Variants in RNH1 observed in about 807,000 individuals in gnomAD.
The protein encoded by RNH1 is ribonuclease inhibitor.
Under a neutral mutation model 46.1 loss-of-function variants are expected in RNH1, and 38 were observed. The ratio of observed to expected loss-of-function variants is 0.82; its 90% CI spans 0.64 to 1.08. The LOEUF (loss-of-function observed/expected upper bound fraction) is 1.08. Ranked by LOEUF, RNH1 falls within the 50% of genes least tolerant of loss-of-function variation. The pLI is 0.00. For synonymous variants in RNH1, 319 were observed against 279.1 expected (o/e 1.14, Z -1.43); for missense variants, 577 against 590.7 (o/e 0.98, Z 0.24).
chr11:495,026 G>T lies in RNH1; in HGVS notation c.1155C>A (p.Ser385Arg). 6.2e-7 allele frequency: 1 copy of T among 1,605,140 alleles called. No homozygotes were observed. The highest frequency in any genetic ancestry group is 8.5e-7 in the Non-Finnish European group (1 of 1,176,624). Reference sequence around the variant, plus strand: ...GGGTTGCGGCGAGGCTGCTGCAGCTGCTGTCACTCACATCGCAGTCGGCCA... The same window carrying T: ...GGGTTGCGGCGAGGCTGCTGCAGCTTCTGTCACTCACATCGCAGTCGGCCA... ...LWLADCDVSD[S>R]SCSSLAATLL... The change falls in exon 10 of 11, where the codon AGC becomes AGA. Residue 385 changes from serine (S) to arginine (R), a missense_variant. Coordinates refer to ENST00000354420, the MANE Select transcript of RNH1 (RefSeq NM_203387.3).
intron 6 of RNH1, 38 bp from the exon 7 acceptor site, chr11:498,971 C>A (rs759333998): frequency 3.1e-6 from 5 of 1,611,226 alleles, no homozygotes; most frequent in Admixed American, 1.7e-5. Context: ...GCACGGGACC[C>A]CCCCTAGCCC....
At chr11:495,215 G>A (rs1191504764) in intron 9 of RNH1, among the ~76,000 whole-genome samples, 162 bp from the exon 10 acceptor site, 1 of 152,260 alleles carries the variant, frequency 6.6e-6, no homozygotes, top group Non-Finnish European at 1.5e-5. Context: ...GTGGCCCTGG[G>A]CAGGTTCCCC....
At chr11:495,155 C>A (rs763273576) in intron 9 of RNH1, 102 bp from the exon 10 acceptor site, 2 of 1,242,944 alleles carry the variant, frequency 1.6e-6, no homozygotes, top group Admixed American at 2.3e-5. Context: ...CACCTGTGCT[C>A]GGCAACTCAG....
At position 498,666 on chromosome 11, in the gene RNH1, G is replaced by A. The variant is rs555731225; in HGVS notation, c.786-39C>T. 5.2e-5 allele frequency: 84 copies of A among 1,607,180 alleles called. No individual in the cohort carries two copies. The South Asian group carries it at 6.5e-4, about 12-fold the overall frequency. ...ACCACCACAGACTTTCCTCAGCACC[G>A]TCTCATGGCCTGAGATGAGCCCAGG... On this transcript the variant is annotated intron_variant, in intron 7 of 10. Transcript: ENST00000354420.
At chr11:503,312 C>T (rs748613924) in intron 2 of RNH1, 14 of 152,384 alleles carry the variant, frequency 9.2e-5, no homozygotes, top group Non-Finnish European at 1.8e-4. Context: ...GCCCTGACAC[C>T]CCCAGCTTCC....
rs547135332 is a variant in RNH1, at chr11:500,424, G to A, written c.272+60C>T. ...CGCGCCCCTGGCGGCTCTGTCCCCT[G>A]CTGCCGGGCTACCAAAGCAGACTGC... On this transcript the variant is annotated intron_variant, in intron 4 of 10. Coordinates refer to ENST00000354420, the MANE Select transcript of RNH1 (RefSeq NM_203387.3). The A allele has an allele frequency of 1.5e-5, 23 of 1,558,882 alleles. No individual in the cohort carries two copies. The East Asian group carries it at 2.3e-4, about 15-fold the overall frequency.
Position 494,621 on chromosome 11 carries a change from G to A in RNH1, c.*70C>T. The A allele has an allele frequency of 7.5e-7, 1 of 1,337,232 alleles. No homozygotes were observed. The allele number at this position is 1,337,232 out of a possible 1,614,324, so 82.8% of individuals were successfully genotyped here. ...CCTAGGATATGCAGGGTGAGAGCAT[G>A]GCAGGGGCTGGTGGGCCCCAGGGTT... On this transcript the variant is annotated 3_prime_UTR_variant, in exon 11 of 11. Transcript: ENST00000354420.
At chr11:503,489 GGGT>G (rs980555562) in intron 2 of RNH1, 2 of 152,348 alleles carry the variant, frequency 1.3e-5, no homozygotes, top group Non-Finnish European at 2.9e-5. Flanking sequence ...CAGTGGCAAA[GGGT>G]GGTGACATCC....
In RNH1 at chr11:494,554, T is replaced by C; in HGVS notation, c.*137A>G. On this transcript the variant is annotated 3_prime_UTR_variant, in exon 11 of 11. Transcript: ENST00000354420. ...TTTAATGATTATAAAGTGTCCAAAA[T>C]ATACTGGCAGAAATAAGCGGATCTG... 1.3e-6 allele frequency: 1 copy of C among 781,774 alleles called. No homozygotes were observed. The highest frequency in any genetic ancestry group is 2.2e-6 in the Non-Finnish European group (1 of 463,746). 48.4% of individuals were successfully genotyped at this position (781,774 alleles called of 1,614,324 possible). A position where few individuals can be genotyped will look rare whatever the true frequency, so the allele number is the denominator to read the frequency against.
At chr11:498,256 C>T (rs1849359657) in intron 8 of RNH1, 115 bp from the exon 9 acceptor site, 2 of 1,315,320 alleles carry the variant, frequency 1.5e-6, no homozygotes, top group South Asian at 2.9e-5. Context: ...TGACAGCCTC[C>T]CAGCAAGTGG....
Position 501,696 on chromosome 11 carries a change from C to G in RNH1, c.101+366G>C. Reference sequence around the variant, plus strand: ...CTCGAGGGCCGAGGACTCCCAGCCCCCAGCTTGGCAGGGACAAGCAGCGCC... The same window carrying G: ...CTCGAGGGCCGAGGACTCCCAGCCCGCAGCTTGGCAGGGACAAGCAGCGCC... On this transcript the variant is annotated intron_variant, in intron 3 of 10. Transcript: ENST00000354420. This position sits in a 1 kb window ranked among gnomAD's most constrained non-coding sequence, Gnocchi z 4.1. 1 of 244,674 alleles carries G rather than the reference C, an allele frequency of 4.1e-6. No homozygotes were observed. Among genetic ancestry groups the G allele is most frequent in the South Asian group, 9.0e-5 (1 of 11,110 alleles). The allele number at this position is 244,674 out of a possible 1,614,324, so 15.2% of individuals were successfully genotyped here.
intron 1 of RNH1, chr11:505,430 C>G (rs1395481419): frequency 1.3e-5 from 2 of 152,118 alleles, no homozygotes; most frequent in African/African-American, 4.8e-5. Flanking sequence ...TATGCAGAGA[C>G]AGTAGGTTTT....
At chr11:499,420 C>G in intron 5 of RNH1, 2 of 673,124 alleles carry the variant, frequency 3.0e-6, no homozygotes, top group Non-Finnish European at 5.4e-6. Flanking sequence ...GGGGCCCAAC[C>G]AGGCCCGGGA....
rs372111276 is a variant in RNH1 at position 505,821 on chromosome 11, C to G, written c.-260-825G>C. ...CTGGGCTCAAGAGATCCGCCCGCCTCGGCCTCCCAAAGTGCTGGGATTACA... is the reference window on the plus strand; with the variant it reads ...CTGGGCTCAAGAGATCCGCCCGCCTGGGCCTCCCAAAGTGCTGGGATTACA... On this transcript the variant is annotated intron_variant, in intron 1 of 10. Coordinates refer to ENST00000354420, the MANE Select transcript of RNH1 (RefSeq NM_203387.3). 4.6e-4 allele frequency: 70 copies of G among 152,028 alleles called. 1 individual carries two copies. The South Asian group carries it at 0.014, about 30-fold the overall frequency. The allele number at this position is 152,028 out of a possible 1,614,324, so 9.4% of individuals were successfully genotyped here.
intron 9 of RNH1, among the ~76,000 whole-genome samples, chr11:495,490 G>C (rs905368107): frequency 6.6e-6 from 1 of 152,186 alleles, no homozygotes; most frequent in Non-Finnish European, 1.5e-5. Flanking sequence ...TCCAGAGAGA[G>C]ACAAGAGAAC....
chr11:500,792 TG>T, intron 3 of RNH1, 138 bp from the exon 4 acceptor site: 2 of 985,976 alleles, frequency 2.0e-6, no homozygotes, highest in Non-Finnish European at 3.1e-6. Context: ...ATTTCAGAAA[TG>T]AAACAAAAAG....
In RNH1 at chr11:500,548, C is replaced by T. The variant is rs754146938; in HGVS notation, c.208G>A (p.Asp70Asn). ...TGGAGCACGCAATGCACGCCGACATCGCCCAGCTCGTTGCTGCGCAGGTTG... is the reference window on the plus strand; with the variant it reads ...TGGAGCACGCAATGCACGCCGACATTGCCCAGCTCGTTGCTGCGCAGGTTG... ...ELNLRSNELG[D>N]VGVHCVLQGL... The change falls in exon 4 of 11, where the codon GAT becomes AAT. Residue 70 changes from aspartate (D) to asparagine (N), a missense_variant. Coordinates refer to ENST00000354420, the MANE Select transcript of RNH1 (RefSeq NM_203387.3). 6 of 1,610,866 alleles carry T rather than the reference C, an allele frequency of 3.7e-6. No homozygotes were observed. In the African/African-American group the frequency reaches 4.0e-5, roughly 11 times the overall value.
At chr11:503,217 T>C (rs1008158409) in intron 2 of RNH1, 2 of 152,142 alleles carry the variant, frequency 1.3e-5, no homozygotes, top group Non-Finnish European at 2.9e-5. Context: ...CCCCAGAAAG[T>C]TGGCAGGATC....
rs1266416831 is a variant in RNH1 at position 504,933 on chromosome 11, C to G, written c.-197G>C. 6.6e-6 allele frequency: 1 copy of G among 152,194 alleles called. No homozygotes were observed. The highest frequency in any genetic ancestry group is 2.4e-5 in the African/African-American group (1 of 41,450). The allele number at this position is 152,194 out of a possible 1,614,324, so 9.4% of individuals were successfully genotyped here. On this transcript the variant is annotated 5_prime_UTR_variant, in exon 2 of 11. Coordinates refer to ENST00000354420, the MANE Select transcript of RNH1 (RefSeq NM_203387.3). ...GCTGTGAGGACGGGTTTTGGAGCGC[C>G]GCTCGGCCGTCCTCAAAACTTTGGA...
Sources: allele counts gnomAD v4.1 joint callset (sites outside exome capture counted in the v4.1 genomes callset), GRCh38; gene constraint gnomAD v4.1.1; non-coding constraint Gnocchi (gnomAD v3.1); transcripts MANE v1.5; gene names NCBI Gene and HGNC (gene_info 2026-07-23, HGNC 2026-07-21).